The following DMD variants were observed in gnomAD, a reference collection of about 807,000 sequenced individuals.
The protein encoded by DMD is dystrophin, also known as mutant dystrophin.
In DMD, 63 loss-of-function variants were observed where a neutral mutation model predicts 330.1. The observed-to-expected ratio is 0.19, with a 90% CI of 0.16 to 0.24. The LOEUF is 0.24. DMD is among the 10% of genes least tolerant of loss of function. The probability of loss-of-function intolerance (pLI) is 1.00; values close to 1 mark genes in which losing one functional copy is unlikely to be tolerated. For missense variants in DMD, 3,344 were observed against 2,684.1 expected (o/e 1.25, Z -5.43); for synonymous variants, 1,223 against 959.8 (o/e 1.27, Z -5.07).
At chrX:33,154,457 T>C (rs2048412525) in intron 1 of DMD, among the ~76,000 whole-genome samples, 1 of 111,655 alleles carries the variant, frequency 9.0e-6, no homozygotes, top group Admixed American at 9.6e-5. Flanking sequence ...AAATTAGGTG[T>C]ATCTCCTCAG....
chrX:32,580,124 G>A (rs752211054), intron 13 of DMD, among the ~76,000 whole-genome samples: 4 of 110,021 alleles, frequency 3.6e-5, no homozygotes, highest in East Asian at 2.9e-4. Context: ...GCATTCCAGC[G>A]TAACAGTGTT....
At chrX:32,443,040 G>A (rs7890193) in intron 27 of DMD, among the ~76,000 whole-genome samples, 8,502 of 110,198 alleles carry the variant, frequency 0.077, 797 homozygotes, top group African/African-American at 0.26. Context: ...AGGAAGATGC[G>A]AGAGAGGATA....
intron 43 of DMD, among the ~76,000 whole-genome samples, chrX:32,250,196 TG>T (rs2097258048): frequency 9.0e-6 from 1 of 111,612 alleles, no homozygotes; most frequent in East Asian, 2.8e-4. Flanking sequence ...GTGTTTTTAT[TG>T]CATATATCTC....
At chrX:32,857,542 C>A (rs2081678649) in intron 2 of DMD, among the ~76,000 whole-genome samples, 1 of 112,051 alleles carries the variant, frequency 8.9e-6, no homozygotes, top group African/African-American at 3.2e-5. Flanking sequence ...AAAAAATAAT[C>A]TTATGCACTG....
At chrX:31,575,748 A>G (rs964399819) in intron 55 of DMD, among the ~76,000 whole-genome samples, 2 of 112,161 alleles carry the variant, frequency 1.8e-5, no homozygotes, top group African/African-American at 6.5e-5. Flanking sequence ...TTATAATTAC[A>G]GTAGTTTCCT....
Position 32,134,372 on chromosome X carries a change from G to C in DMD, c.6438+82544C>G, listed in dbSNP as rs779150445. On this transcript the variant is annotated intron_variant, in intron 44 of 78. Coordinates refer to ENST00000357033, the MANE Select transcript of DMD (RefSeq NM_004006.3). ...CTGCCCAGTCACAGAGCTAGCTTCA[G>C]GGCATTTAAAGAACTGAACAAACAG... 6.3e-5 allele frequency among the ~76,000 whole-genome samples: 7 copies of C among 111,364 alleles called. No individual in the cohort carries two copies. In the East Asian group the frequency reaches 2.0e-3, roughly 32 times the overall value.
intron 17 of DMD, among the ~76,000 whole-genome samples, chrX:32,540,094 T>A (rs886165834): frequency 2.0e-4 from 22 of 111,909 alleles, no homozygotes; most frequent in African/African-American, 3.9e-4. Flanking sequence ...AAGCTTTTTT[T>A]AAAAATCCCT....
chrX:32,300,745 T>C (rs767586115), intron 42 of DMD, among the ~76,000 whole-genome samples: 1 of 111,183 alleles, frequency 9.0e-6, no homozygotes, highest in East Asian at 2.8e-4. Flanking sequence ...CCAAATTTCT[T>C]AGAGTCAGGA....
At chrX:32,565,672 G>A (rs777398383) in intron 16 of DMD, 30 bp downstream of exon 16, 1 of 1,193,097 alleles carries the variant, frequency 8.4e-7, no homozygotes, top group Non-Finnish European at 1.1e-6. Context: ...CTCTGAGATA[G>A]TCTGTAGCAT....
At position 31,251,080 on chromosome X, in the gene DMD, C is replaced by CA. The variant is rs1352180032; in HGVS notation, c.9286+9874dup. Among the ~76,000 whole-genome samples, 227 of 105,934 alleles carry CA rather than the reference C, an allele frequency of 2.1e-3. 2 individuals are homozygous for CA. Among genetic ancestry groups the CA allele is most frequent in the African/African-American group, 7.5e-3 (217 of 29,087 alleles). 92.0% of individuals were successfully genotyped at this position (105,934 alleles called of 115,157 possible). A position where few individuals can be genotyped will look rare whatever the true frequency, so the allele number is the denominator to read the frequency against. On this transcript the variant is annotated intron_variant, in intron 63 of 78. Transcript: ENST00000357033. ...CTGGCAACAGAGCAAGACTCTGTCT[C>CA]AAAAAAACAAAAAAAAAAACCCACC...
intron 1 of DMD, among the ~76,000 whole-genome samples, chrX:33,190,248 G>GC (rs1337932835): frequency 9.4e-6 from 1 of 106,756 alleles, no homozygotes; most frequent in East Asian, 3.0e-4. Flanking sequence ...TATGATAACT[G>GC]CCCCCCATCT....
intron 7 of DMD, among the ~76,000 whole-genome samples, chrX:32,780,262 C>G (rs1430651461): frequency 1.8e-5 from 2 of 112,245 alleles, no homozygotes; most frequent in Non-Finnish European, 1.9e-5. Flanking sequence ...TTGTACCATA[C>G]ATGGAATTCT....
intron 11 of DMD, among the ~76,000 whole-genome samples, chrX:32,622,356 G>C (rs766041852): frequency 9.8e-5 from 11 of 111,968 alleles, no homozygotes; most frequent in Non-Finnish European, 1.5e-4. Flanking sequence ...AAAGGATTCT[G>C]AGATGTTTTA....
intron 74 of DMD, among the ~76,000 whole-genome samples, chrX:31,158,870 A>G (rs1047467599): frequency 1.1e-4 from 12 of 112,052 alleles, no homozygotes; most frequent in African/African-American, 3.9e-4. Context: ...TCAGATGATG[A>G]GTTTTAAAAA....
At chrX:32,410,964 A>G (rs2098139355) in intron 30 of DMD, among the ~76,000 whole-genome samples, 1 of 111,237 alleles carries the variant, frequency 9.0e-6, no homozygotes, top group African/African-American at 3.3e-5. Flanking sequence ...ATGTAGCTAT[A>G]TTGAGCATGA....
intron 45 of DMD, among the ~76,000 whole-genome samples, chrX:31,963,242 A>G (rs2150159204): frequency 8.9e-6 from 1 of 112,224 alleles, no homozygotes; most frequent in Non-Finnish European, 1.9e-5. Context: ...TCTTTAAACA[A>G]TAATTTCTTC....
intron 11 of DMD, among the ~76,000 whole-genome samples, chrX:32,618,102 T>C (rs2057719291): frequency 8.9e-6 from 1 of 112,080 alleles, no homozygotes; most frequent in African/African-American, 3.2e-5. Context: ...TTGAAAACAG[T>C]GTGGTGATTC....
chrX:32,779,416 GTTT>G (rs1246207045), intron 7 of DMD, among the ~76,000 whole-genome samples: 1 of 110,197 alleles, frequency 9.1e-6, no homozygotes, highest in Non-Finnish European at 1.9e-5. Flanking sequence ...TTTTCATGAG[GTTT>G]TTAAAATGTT....
chrX:32,846,263 A>G (rs2080655300), intron 3 of DMD, among the ~76,000 whole-genome samples: 1 of 112,114 alleles, frequency 8.9e-6, no homozygotes, highest in African/African-American at 3.2e-5. Context: ...CCATATAACT[A>G]ATAATTGGTG....
Sources: gnomAD v4.1 joint callset for allele counts (sites outside exome capture counted in the v4.1 genomes callset) on GRCh38, gnomAD v4.1.1 for gene constraint, MANE v1.5 for transcripts, NCBI Gene and HGNC (gene_info 2026-07-23, HGNC 2026-07-21) for gene names.